Variants in OR52K1 observed in about 807,000 individuals in gnomAD.
The protein encoded by OR52K1 is olfactory receptor 52K1.
Under a neutral mutation model 8.7 loss-of-function variants are expected in OR52K1, and 10 were observed. The ratio of observed to expected loss-of-function variants is 1.15; its 90% confidence interval spans 0.71 to 1.95. The LOEUF is 1.95. OR52K1 is among the 30% of genes most tolerant of loss of function. OR52K1 has a pLI of 0.00. For missense variants in OR52K1, 431 were observed against 397.2 expected (o/e 1.08, Z -0.72); for synonymous variants, 203 against 148.5 (o/e 1.37, Z -2.67).
At chr11:4,484,221 T>C (rs896332981) in intron 1 of OR52K1, among the ~76,000 whole-genome samples, 2 of 152,158 alleles carry the variant, frequency 1.3e-5, no homozygotes, top group African/African-American at 4.8e-5. Context: ...TGGTGGGTAA[T>C]TGTTGAAGGA....
In OR52K1 at chr11:4,492,166, C is replaced by T. The variant is rs1468006952; in HGVS notation, c.*2321C>T. On this transcript the variant is annotated 3_prime_UTR_variant, in exon 2 of 2. Transcript: ENST00000641528. ...TGCATTAACTTTCCTGCTTTCTTTC[C>T]CCTCTGCTGCAAAACCCAGCAAAGT... 2 of 152,126 alleles carry T rather than the reference C, an allele frequency of 1.3e-5. No homozygotes were observed. The highest frequency in any genetic ancestry group is 2.4e-5 in the African/African-American group (1 of 41,416). 9.4% of individuals were successfully genotyped at this position (152,126 alleles called of 1,614,324 possible).
rs1182093446 is a variant in OR52K1 at position 4,490,495 on chromosome 11, T to G, written c.*650T>G. ...TGTTCCTTTTTATCAATTTATATCA[T>G]GTATCTAGCTTTTCACTGCATGTCT... On this transcript the variant is annotated 3_prime_UTR_variant, in exon 2 of 2. Coordinates refer to ENST00000641528, the MANE Select transcript of OR52K1 (RefSeq NM_001005171.3). 1.3e-5 allele frequency: 2 copies of G among 152,346 alleles called. No homozygotes were observed. Among genetic ancestry groups the G allele is most frequent in the East Asian group, 3.8e-4 (2 of 5,198 alleles). 9.4% of individuals were successfully genotyped at this position (152,346 alleles called of 1,614,324 possible).
At position 4,489,376 on chromosome 11, in the gene OR52K1, C is replaced by G. The variant is rs766321367; in HGVS notation, c.476C>G (p.Thr159Ser). The G allele has an allele frequency of 1.2e-6, 2 of 1,614,180 alleles. No homozygotes were observed. The highest frequency in any genetic ancestry group is 1.1e-5 in the South Asian group (1 of 91,082). The change falls in exon 2 of 2, where the codon ACT (threonine) becomes AGT (serine). Residue 159 changes from threonine (T) to serine (S), a missense_variant. Coordinates refer to ENST00000641528, the MANE Select transcript of OR52K1 (RefSeq NM_001005171.3). ...AAVARAVTLMTPLPFLLRRFH... is the reference protein window; with the variant it reads ...AAVARAVTLMSPLPFLLRRFH... ...GTGGCCCGGGCTGTGACACTAATGA[C>G]TCCACTCCCCTTCCTGCTCAGACGC...
rs1846344040 is a variant in OR52K1 at position 4,489,019 on chromosome 11, C to A, written c.119C>A (p.Ala40Asp). The A allele has an allele frequency of 6.2e-7, 1 of 1,614,012 alleles. No individual in the cohort carries two copies. The highest frequency in any genetic ancestry group is 1.3e-5 in the African/African-American group (1 of 74,920). Reference sequence around the variant, plus strand: ...CCCTTCTGCTTTGCTTATACTCTGGCCCTGCTAGGCAACTGTACCCTTCTC... The same window carrying A: ...CCCTTCTGCTTTGCTTATACTCTGGACCTGCTAGGCAACTGTACCCTTCTC... Reference protein sequence around the residue: ...SIPFCFAYTLALLGNCTLLFI... With the variant: ...SIPFCFAYTLDLLGNCTLLFI... Residue 40 changes from alanine (A) to aspartate (D), a missense_variant, in exon 2 of 2, where the codon GCC becomes GAC. By Grantham distance (126) the Ala-to-Asp change is moderately radical. Transcript: ENST00000641528.
chr11:4,493,420 T>G lies in OR52K1; in HGVS notation c.*3575T>G, dbSNP rs954260374. The G allele has an allele frequency of 1.3e-5, 2 of 152,462 alleles. No individual in the cohort carries two copies. The highest frequency in any genetic ancestry group is 1.3e-4 in the Admixed American group (2 of 15,284). 9.4% of individuals were successfully genotyped at this position (152,462 alleles called of 1,614,324 possible). On this transcript the variant is annotated 3_prime_UTR_variant, in exon 2 of 2. Coordinates refer to ENST00000641528, the MANE Select transcript of OR52K1 (RefSeq NM_001005171.3). ...CCTTCCCAGGCACTGGCATTACCGCTAGACCAAGGAGCCCTCTAGTGGCCC... is the reference window on the plus strand; with the variant it reads ...CCTTCCCAGGCACTGGCATTACCGCGAGACCAAGGAGCCCTCTAGTGGCCC...
chr11:4,488,692 A>G lies in OR52K1; in HGVS notation c.-209A>G, dbSNP rs980243723. The G allele has an allele frequency of 1.8e-6, 1 of 554,812 alleles. No homozygotes were observed. Among genetic ancestry groups the G allele is most frequent in the African/African-American group, 1.9e-5 (1 of 52,932 alleles). 34.4% of individuals were successfully genotyped at this position (554,812 alleles called of 1,614,324 possible). A position where few individuals can be genotyped will look rare whatever the true frequency, so the allele number is the denominator to read the frequency against. Reference sequence around the variant, plus strand: ...TATCCCATCTACTCAATGAGATTCAAATTTCTTTGAGGGTAGAAAATATGG... The same window carrying G: ...TATCCCATCTACTCAATGAGATTCAGATTTCTTTGAGGGTAGAAAATATGG... On this transcript the variant is annotated 5_prime_UTR_variant, in exon 2 of 2. Transcript: ENST00000641528.
chr11:4,489,090 T>C lies in OR52K1; in HGVS notation c.190T>C (p.Phe64Leu). ...DAALHEPMYLFLAMLATIDLV... is the reference protein window; with the variant it reads ...DAALHEPMYLLLAMLATIDLV... Reference sequence around the variant, plus strand: ...AGCCCTCCATGAACCCATGTACCTCTTTCTGGCCATGTTGGCAACCATTGA... The same window carrying C: ...AGCCCTCCATGAACCCATGTACCTCCTTCTGGCCATGTTGGCAACCATTGA... The change falls in exon 2 of 2, where the codon TTT (phenylalanine) becomes CTT (leucine). Residue 64 changes from phenylalanine to leucine, a missense_variant. Transcript: ENST00000641528. 1 of 1,614,212 alleles carries C rather than the reference T, an allele frequency of 6.2e-7. No individual in the cohort carries two copies.
rs1846394705 is a variant in OR52K1, at chr11:4,493,240, CCTGA to C, written c.*3398_*3401del. 6.6e-6 allele frequency: 1 copy of C among 152,172 alleles called. No homozygotes were observed. Among genetic ancestry groups the C allele is most frequent in the Non-Finnish European group, 1.5e-5 (1 of 68,038 alleles). 9.4% of individuals were successfully genotyped at this position (152,172 alleles called of 1,614,324 possible). A position where few individuals can be genotyped will look rare whatever the true frequency, so the allele number is the denominator to read the frequency against. ...TGGCCTCCAGATGGCTGTGGGTGGG[CCTGA>C]CTAATGTCAGGCCTTCCACAAGAGG... On this transcript the variant is annotated 3_prime_UTR_variant, in exon 2 of 2. Transcript: ENST00000641528.
chr11:4,489,093 C>T lies in OR52K1; in HGVS notation c.193C>T (p.Leu65=), dbSNP rs1564832416. 10 of 1,614,268 alleles carry T rather than the reference C, an allele frequency of 6.2e-6. No homozygotes were observed. Among genetic ancestry groups the T allele is most frequent in the Non-Finnish European group, 8.5e-6 (10 of 1,180,048 alleles). ...AALHEPMYLF[L]AMLATIDLVL... ...CCTCCATGAACCCATGTACCTCTTT[C>T]TGGCCATGTTGGCAACCATTGACTT... The change falls in exon 2 of 2, where the codon CTG becomes TTG. Residue 65 remains leucine (L), a synonymous_variant. Transcript: ENST00000641528.
chr11:4,484,811 T>G (rs1846307159), intron 1 of OR52K1, among the ~76,000 whole-genome samples: 1 of 144,594 alleles, frequency 6.9e-6, no homozygotes, highest in Admixed American at 7.0e-5. Flanking sequence ...AAAGACATGA[T>G]ACTTCTGTTC....
chr11:4,489,294 T>G lies in OR52K1; in HGVS notation c.394T>G (p.Leu132Val). Residue 132 changes from leucine to valine, a missense_variant, in exon 2 of 2, where the codon TTG becomes GTG. Physicochemically the swap from Leu to Val is conservative, Grantham distance 32. Transcript: ENST00000641528. ...CCGCTATGTGGCCATCTGCAAGCCA[T>G]TGCACTACACGACGGTCCTGACTGG... ...FDRYVAICKP[L>V]HYTTVLTGSL... 1 of 1,614,190 alleles carries G rather than the reference T, an allele frequency of 6.2e-7. No individual in the cohort carries two copies. Among genetic ancestry groups the G allele is most frequent in the Non-Finnish European group, 8.5e-7 (1 of 1,180,016 alleles).
intron 1 of OR52K1, among the ~76,000 whole-genome samples, chr11:4,484,341 G>A (rs540834796): frequency 6.6e-6 from 1 of 152,248 alleles, no homozygotes; most frequent in African/African-American, 2.4e-5. Flanking sequence ...TTGGAAGGGT[G>A]GAAGTGTTGG....
In OR52K1 at chr11:4,488,619, A is replaced by C. The variant is rs1321546857; in HGVS notation, c.-282A>C. 3 of 397,698 alleles carry C rather than the reference A, an allele frequency of 7.5e-6. No individual in the cohort carries two copies. The South Asian group carries it at 1.1e-4, about 14-fold the overall frequency. The allele number at this position is 397,698 out of a possible 1,614,324, so 24.6% of individuals were successfully genotyped here. On this transcript the variant is annotated 5_prime_UTR_variant, in exon 2 of 2. Coordinates refer to ENST00000641528, the MANE Select transcript of OR52K1 (RefSeq NM_001005171.3). ...ACACAGAAAACACTACATATACTCCATTCCTTTATGAAAGTTGTCTTAGAA... is the reference window on the plus strand; with the variant it reads ...ACACAGAAAACACTACATATACTCCCTTCCTTTATGAAAGTTGTCTTAGAA...
chr11:4,485,307 T>G (rs1319458404), intron 1 of OR52K1, among the ~76,000 whole-genome samples: 1 of 152,252 alleles, frequency 6.6e-6, no homozygotes, highest in Non-Finnish European at 1.5e-5. Context: ...TTCTCTTTTC[T>G]GTGAACATTT....
At chr11:4,485,858 A>T (rs1305437422) in intron 1 of OR52K1, among the ~76,000 whole-genome samples, 3 of 152,146 alleles carry the variant, frequency 2.0e-5, no homozygotes, top group African/African-American at 4.8e-5. Flanking sequence ...GCCCTGTGTG[A>T]TTTGGCCCCA....
intron 1 of OR52K1, among the ~76,000 whole-genome samples, chr11:4,488,116 T>A (rs1164679300): frequency 6.6e-6 from 1 of 152,200 alleles, no homozygotes; most frequent in Non-Finnish European, 1.5e-5. Flanking sequence ...AAAAGGACGT[T>A]TCATTTTCTC....
Position 4,488,667 on chromosome 11 carries a change from T to G in OR52K1, c.-234T>G. Reference sequence around the variant, plus strand: ...GAATATTAAATATCCATAGAATTGATATCCCATCTACTCAATGAGATTCAA... The same window carrying G: ...GAATATTAAATATCCATAGAATTGAGATCCCATCTACTCAATGAGATTCAA... On this transcript the variant is annotated 5_prime_UTR_variant, in exon 2 of 2. Transcript: ENST00000641528. The G allele has an allele frequency of 2.0e-6, 1 of 510,076 alleles. No homozygotes were observed. Among genetic ancestry groups the G allele is most frequent in the Non-Finnish European group, 3.4e-6 (1 of 290,010 alleles). 31.6% of individuals were successfully genotyped at this position (510,076 alleles called of 1,614,324 possible). A position where few individuals can be genotyped will look rare whatever the true frequency, so the allele number is the denominator to read the frequency against.
In OR52K1 at chr11:4,489,061, A is replaced by G. The variant is rs369805748; in HGVS notation, c.161A>G (p.Asp54Gly). Residue 54 changes from aspartate to glycine, a missense_variant, in exon 2 of 2, where the codon GAT becomes GGT. Asp to Gly is a moderately conservative substitution (Grantham distance 94). Coordinates refer to ENST00000641528, the MANE Select transcript of OR52K1 (RefSeq NM_001005171.3). ...NCTLLFIIQA[D>G]AALHEPMYLF... ...ACCCTTCTCTTCATTATCCAGGCTG[A>G]TGCAGCCCTCCATGAACCCATGTAC... 4.0e-5 allele frequency: 64 copies of G among 1,614,148 alleles called. No homozygotes were observed. In the East Asian group the frequency reaches 6.5e-4, roughly 16 times the overall value.
At chr11:4,485,498 T>C (rs1846314521) in intron 1 of OR52K1, among the ~76,000 whole-genome samples, 13 of 152,212 alleles carry the variant, frequency 8.5e-5, no homozygotes, top group Admixed American at 8.5e-4. Flanking sequence ...CAGTGGTTTA[T>C]GCCAAAAATC....
Sources: gnomAD v4.1 joint callset for allele counts (sites outside exome capture counted in the v4.1 genomes callset) on GRCh38, gnomAD v4.1.1 for gene constraint, MANE v1.5 for transcripts, NCBI Gene and HGNC (gene_info 2026-07-23, HGNC 2026-07-21) for gene names.